Variants in BCAS3 observed in about 807,000 individuals in gnomAD.
BCAS3 encodes BCAS4/BCAS3 fusion.
BCAS3 carries 53 observed loss-of-function variants against 116.1 expected under a neutral mutation model. The observed-to-expected ratio is 0.46, with a 90% confidence interval of 0.37 to 0.57. The LOEUF is 0.57. BCAS3 is among the 20% of genes least tolerant of loss of function. The pLI is 0.00. For missense variants in BCAS3, 917 were observed against 1,165.4 expected, an observed-to-expected ratio of 0.79 and a Z score of 3.10; for synonymous variants, 391 against 408.2, an observed-to-expected ratio of 0.96 and a Z score of 0.51.
At chr17:61,254,180 G>A (rs1278385217) in intron 22 of BCAS3, among the ~76,000 whole-genome samples, 3 of 151,972 alleles carry the variant, frequency 2.0e-5, no homozygotes, top group Non-Finnish European at 4.4e-5. Context: ...TTAAGTGGAT[G>A]TTTGTTTTTT....
At chr17:61,284,230 A>C (rs543566632) in intron 22 of BCAS3, among the ~76,000 whole-genome samples, 2 of 152,148 alleles carry the variant, frequency 1.3e-5, no homozygotes, top group Non-Finnish European at 2.9e-5. Context: ...CACCTCCCCC[A>C]CCCACACCAG....
intron 14 of BCAS3, among the ~76,000 whole-genome samples, chr17:60,977,339 C>T (rs976872328): frequency 6.6e-6 from 1 of 152,072 alleles, no homozygotes; most frequent in African/African-American, 2.4e-5. Flanking sequence ...GCCACCACAC[C>T]TGGCTATTTT....
chr17:60,898,987 G>C (rs1463146857), intron 10 of BCAS3, among the ~76,000 whole-genome samples: 1 of 152,076 alleles, frequency 6.6e-6, no homozygotes, highest in Non-Finnish European at 1.5e-5. Context: ...GAAGTGGATT[G>C]GTTTGGGCAG....
chr17:61,090,205 A>T (rs1209578450), intron 22 of BCAS3, among the ~76,000 whole-genome samples: 1 of 152,220 alleles, frequency 6.6e-6, no homozygotes, highest in Non-Finnish European at 1.5e-5. Context: ...TTCCTTAAGT[A>T]ACTCCTGAAT....
intron 19 of BCAS3, among the ~76,000 whole-genome samples, chr17:61,052,844 A>C (rs1487190434): frequency 6.6e-6 from 1 of 150,932 alleles, no homozygotes; most frequent in Non-Finnish European, 1.5e-5. Flanking sequence ...CAGCCTCCCA[A>C]GTAGCTGGGA....
At chr17:60,716,805 TC>T (rs2038667690) in intron 5 of BCAS3, among the ~76,000 whole-genome samples, 1 of 152,164 alleles carries the variant, frequency 6.6e-6, no homozygotes, top group African/African-American at 2.4e-5. Flanking sequence ...TAATAGATTT[TC>T]CAAATTACAT....
chr17:60,693,525 C>G (rs1471084085), intron 4 of BCAS3, among the ~76,000 whole-genome samples: 5 of 151,500 alleles, frequency 3.3e-5, no homozygotes, highest in Non-Finnish European at 5.9e-5. Context: ...AGCAATCCTC[C>G]CACCTCAGCC....
rs772486237 is a variant in BCAS3, at chr17:61,286,188, T to C, written c.2426-82139T>C. Among the ~76,000 whole-genome samples, 1 of 152,072 alleles carries C rather than the reference T, an allele frequency of 6.6e-6. No individual in the cohort carries two copies. The highest frequency in any genetic ancestry group is 1.5e-5 in the Non-Finnish European group (1 of 68,004). Reference sequence around the variant, plus strand: ...GGATTTCTTTGCAGCTTTCAAAGGGTAGATCTTTGCAACCATCCCTTGGGG... The same window carrying C: ...GGATTTCTTTGCAGCTTTCAAAGGGCAGATCTTTGCAACCATCCCTTGGGG... On this transcript the variant is annotated intron_variant, in intron 22 of 23. Transcript: ENST00000407086. This position sits in a 1 kb window ranked among gnomAD's most constrained non-coding sequence, Gnocchi z 4.8.
intron 13 of BCAS3, among the ~76,000 whole-genome samples, chr17:60,932,742 CAAAA>C (rs1167994825): frequency 5.2e-5 from 2 of 38,204 alleles, no homozygotes; most frequent in African/African-American, 6.3e-5. Context: ...ACTCTTGTCT[CAAAA>C]AAAAAAAAAA....
In BCAS3 at chr17:61,037,440, C is replaced by T. The variant is rs1418769471; in HGVS notation, c.1763-449C>T. The stretch of plus-strand genomic sequence containing the variant: ...TCATATTCACTAGCATGTGCTTATA[C>T]GAGGCAACCTTTAGGCAAGGAACAA... On this transcript the variant is annotated intron_variant, in intron 17 of 23. Coordinates refer to ENST00000407086, the MANE Select transcript of BCAS3 (RefSeq NM_017679.5). The surrounding 1 kb of genome is among the most constrained non-coding windows in gnomAD (Gnocchi z 4.7). Among the ~76,000 whole-genome samples the T allele has an allele frequency of 3.3e-5, 5 of 152,142 alleles. No individual in the cohort carries two copies. The highest frequency in any genetic ancestry group is 1.3e-4 in the Admixed American group (2 of 15,276).
intron 22 of BCAS3, among the ~76,000 whole-genome samples, chr17:61,296,359 C>G (rs2052908017): frequency 6.6e-6 from 1 of 152,108 alleles, no homozygotes; most frequent in South Asian, 2.1e-4. Context: ...GTCCCAAAGG[C>G]CCATCCAGTG....
intron 22 of BCAS3, among the ~76,000 whole-genome samples, chr17:61,340,137 AAGG>A (rs775797836): frequency 3.3e-5 from 5 of 152,308 alleles, no homozygotes; most frequent in Admixed American, 6.5e-5. Context: ...CATCTCTTTC[AAGG>A]AGTTTTGATT....
intron 23 of BCAS3, among the ~76,000 whole-genome samples, chr17:61,371,851 A>G (rs1357019775): frequency 6.6e-6 from 1 of 152,246 alleles, no homozygotes; most frequent in Non-Finnish European, 1.5e-5. Flanking sequence ...ATCCCTGCGC[A>G]TGCTGAAGTT....
chr17:61,020,536 C>T lies in BCAS3; in HGVS notation c.1637+4635C>T, dbSNP rs974400834. ...GACTCTGTTTTCTTTCAGTTTAAGA[C>T]TGGAGGTTTAAAAAGTCCAGGTTAT... On this transcript the variant is annotated intron_variant, in intron 16 of 23. Transcript: ENST00000407086. The surrounding 1 kb of genome is among the most constrained non-coding windows in gnomAD (Gnocchi z 4.5). 6.6e-6 allele frequency among the ~76,000 whole-genome samples: 1 copy of T among 152,110 alleles called. No individual in the cohort carries two copies. The highest frequency in any genetic ancestry group is 1.5e-5 in the Non-Finnish European group (1 of 68,004).
intron 14 of BCAS3, among the ~76,000 whole-genome samples, chr17:60,963,525 G>T (rs115296965): frequency 2.0e-5 from 3 of 146,616 alleles, no homozygotes; most frequent in African/African-American, 7.5e-5. Context: ...TTTTCAGATT[G>T]TTCCCTGTTG....
intron 7 of BCAS3, among the ~76,000 whole-genome samples, chr17:60,817,516 G>A (rs1377074007): frequency 6.6e-6 from 1 of 152,180 alleles, no homozygotes; most frequent in Non-Finnish European, 1.5e-5. Flanking sequence ...TTTATGTAGA[G>A]AGAATCATAG....
At position 61,388,826 on chromosome 17, in the gene BCAS3, C is replaced by A; in HGVS notation, c.2594-3151C>A. The stretch of plus-strand genomic sequence containing the variant: ...CACTTCCCACACACACCCCTGCCTG[C>A]AGGGGGAGGAGCAGAAGGGGTCTGA... On this transcript the variant is annotated intron_variant, in intron 23 of 23. Transcript: ENST00000407086. This position sits in a 1 kb window ranked among gnomAD's most constrained non-coding sequence, Gnocchi z 6.5. 2.0e-6 allele frequency: 2 copies of A among 1,014,296 alleles called. No individual in the cohort carries two copies. The highest frequency in any genetic ancestry group is 2.9e-6 in the Non-Finnish European group (2 of 700,400). 62.8% of individuals were successfully genotyped at this position (1,014,296 alleles called of 1,614,324 possible).
At chr17:60,973,449 A>T (rs2062087526) in intron 14 of BCAS3, among the ~76,000 whole-genome samples, 1 of 152,100 alleles carries the variant, frequency 6.6e-6, no homozygotes, top group Admixed American at 6.5e-5. Flanking sequence ...GCCTCTCAGT[A>T]GTTAAATCTA....
Position 61,056,035 on chromosome 17 carries a change from G to A in BCAS3, c.2029+15143G>A, listed in dbSNP as rs2069345654. ...CTAGCCCTCTGTTCTGCCCAAACTG[G>A]TAGTAACCAGGCTGGAAAAGGATTT... On this transcript the variant is annotated intron_variant, in intron 19 of 23. Coordinates refer to ENST00000407086, the MANE Select transcript of BCAS3 (RefSeq NM_017679.5). This position sits in a 1 kb window ranked among gnomAD's most constrained non-coding sequence, Gnocchi z 4.9. Among the ~76,000 whole-genome samples the A allele has an allele frequency of 6.6e-6, 1 of 152,108 alleles. No homozygotes were observed. Among genetic ancestry groups the A allele is most frequent in the Non-Finnish European group, 1.5e-5 (1 of 68,024 alleles).
Sources: gnomAD v4.1 joint callset for allele counts (sites outside exome capture counted in the v4.1 genomes callset) on GRCh38, gnomAD v4.1.1 for gene constraint, Gnocchi (gnomAD v3.1) non-coding constraint, MANE v1.5 for transcripts, NCBI Gene and HGNC (gene_info 2026-07-23, HGNC 2026-07-21) for gene names.